CDC42SE1: variants seen among roughly 807,000 people sequenced by gnomAD.
The protein encoded by CDC42SE1 is CDC42 small effector protein 1.
CDC42SE1 carries 10 observed loss-of-function variants against 10.9 expected under a neutral mutation model. The ratio of observed to expected loss-of-function variants is 0.92; its 90% CI spans 0.57 to 1.56. CDC42SE1 has a LOEUF of 1.56. CDC42SE1 is among the 40% of genes most tolerant of loss of function. CDC42SE1 has a pLI of 0.00. For synonymous variants in CDC42SE1, 24 were observed against 32.0 expected (o/e 0.75, Z 0.85); for missense variants, 81 against 100.8 (o/e 0.80, Z 0.84).
rs587630644 is a variant in CDC42SE1 at position 151,052,857 on chromosome 1, C to G, written c.*487G>C. ...GAGTAGGCACCCCCACCAGCCCCTG[C>G]TTGACATCTGCTTTAGTTCATTCCA... On this transcript the variant is annotated 3_prime_UTR_variant, in exon 5 of 5. Transcript: ENST00000357235. 15 of 152,378 alleles carry G rather than the reference C, an allele frequency of 9.8e-5. No homozygotes were observed. Among genetic ancestry groups the G allele is most frequent in the African/African-American group, 3.1e-4 (13 of 41,560 alleles). 9.4% of individuals were successfully genotyped at this position (152,378 alleles called of 1,614,324 possible).
chr1:151,054,986 T>C (rs369206318), intron 3 of CDC42SE1, 30 bp downstream of exon 3: 59 of 1,479,632 alleles, frequency 4.0e-5, no homozygotes, highest in Non-Finnish European at 4.8e-5. Flanking sequence ...ACCTCACCCC[T>C]GTATCAACCT....
chr1:151,054,031 T>A, intron 4 of CDC42SE1, among the ~76,000 whole-genome samples, 200 bp downstream of exon 4: 1 of 147,772 alleles, frequency 6.8e-6, no homozygotes, highest in East Asian at 2.0e-4. Flanking sequence ...GGGTTTTGCC[T>A]CGTTGGCCAG....
At chr1:151,054,138 CCTTT>C (rs766192448) in intron 4 of CDC42SE1, 89 bp downstream of exon 4, 93 of 844,836 alleles carry the variant, frequency 1.1e-4, no homozygotes, top group Middle Eastern at 7.2e-4. Context: ...GCCACACCTC[CCTTT>C]CTTGCATAAG....
rs587717955 is a variant in CDC42SE1, at chr1:151,051,206, C to G, written c.*2138G>C. On this transcript the variant is annotated 3_prime_UTR_variant, in exon 5 of 5. Coordinates refer to ENST00000357235, the MANE Select transcript of CDC42SE1 (RefSeq NM_020239.4). ...ACGGTGACCAGAGATTTCTAGGAGT[C>G]TCTAACCTTTCCACCCTATCCTGTT... is the stretch of plus-strand genomic sequence containing the variant. 1 of 151,742 alleles carries G rather than the reference C, an allele frequency of 6.6e-6. No homozygotes were observed. Among genetic ancestry groups the G allele is most frequent in the South Asian group, 2.1e-4 (1 of 4,806 alleles). The allele number at this position is 151,742 out of a possible 1,614,324, so 9.4% of individuals were successfully genotyped here.
At chr1:151,058,192 G>C (rs1008769768) in intron 1 of CDC42SE1, 10 of 152,888 alleles carry the variant, frequency 6.5e-5, no homozygotes, top group African/African-American at 1.9e-4. Context: ...CTTTTCCAGG[G>C]ACCTGACCAG....
intron 1 of CDC42SE1, among the ~76,000 whole-genome samples, 175 bp from the exon 2 acceptor site, chr1:151,056,168 A>C (rs1052299230): frequency 1.3e-5 from 2 of 152,146 alleles, no homozygotes; most frequent in African/African-American, 4.8e-5. Flanking sequence ...AAAAAAAAGG[A>C]ACAGAACCAA....
In CDC42SE1 at chr1:151,055,658, G is replaced by T; in HGVS notation, c.54+19C>A. On this transcript the variant is annotated intron_variant, in intron 2 of 4. Coordinates refer to ENST00000357235, the MANE Select transcript of CDC42SE1 (RefSeq NM_020239.4). ...AACTGACTGCTCTTTGGGTTAGGAT[G>T]GGGGGTGGGGAGACTCACCGGCTGG... 6.9e-6 allele frequency: 11 copies of T among 1,601,034 alleles called. No individual in the cohort carries two copies. Among genetic ancestry groups the T allele is most frequent in the Admixed American group, 1.7e-5 (1 of 59,864 alleles).
chr1:151,054,099 G>C, intron 4 of CDC42SE1, 132 bp downstream of exon 4: 3 of 679,474 alleles, frequency 4.4e-6, no homozygotes, highest in Non-Finnish European at 7.8e-6. Context: ...CTAAAGTGCT[G>C]GGATTACAGG....
rs587682802 is a variant in CDC42SE1, at chr1:151,051,615, C to A, written c.*1729G>T. On this transcript the variant is annotated 3_prime_UTR_variant, in exon 5 of 5. Coordinates refer to ENST00000357235, the MANE Select transcript of CDC42SE1 (RefSeq NM_020239.4). ...CTGTCTTGTTCTGCCTTCCTAATTACCCTGGAAGGGCCAGAACGAAGAACA... is the reference window on the plus strand; with the variant it reads ...CTGTCTTGTTCTGCCTTCCTAATTAACCTGGAAGGGCCAGAACGAAGAACA... The A allele has an allele frequency of 6.6e-6, 1 of 152,386 alleles. No individual in the cohort carries two copies. Among genetic ancestry groups the A allele is most frequent in the Non-Finnish European group, 1.5e-5 (1 of 68,020 alleles). The allele number at this position is 152,386 out of a possible 1,614,324, so 9.4% of individuals were successfully genotyped here.
At chr1:151,058,403 A>C (rs1676327911) in intron 1 of CDC42SE1, 1 of 152,530 alleles carries the variant, frequency 6.6e-6, no homozygotes, top group South Asian at 2.1e-4. Context: ...CAGAAAAGGA[A>C]GTAAGAGCCA....
chr1:151,056,211 G>A (rs896295513), intron 1 of CDC42SE1, among the ~76,000 whole-genome samples: 4 of 152,154 alleles, frequency 2.6e-5, no homozygotes, highest in Non-Finnish European at 5.9e-5. Flanking sequence ...GCAGTGGCTG[G>A]TGGTACCAAG....
Position 151,055,545 on chromosome 1 carries a change from A to G in CDC42SE1, c.54+132T>C. On this transcript the variant is annotated intron_variant, in intron 2 of 4. Transcript: ENST00000357235. ...GTTCCACATATACAGCTGCCTGACC[A>G]TAGAAGCTCCTGACACAGAGGGAGG... 4 of 756,640 alleles carry G rather than the reference A, an allele frequency of 5.3e-6. No homozygotes were observed. The Admixed American group carries it at 8.1e-5, about 15-fold the overall frequency. The allele number at this position is 756,640 out of a possible 1,614,324, so 46.9% of individuals were successfully genotyped here. A position where few individuals can be genotyped will look rare whatever the true frequency, so the allele number is the denominator to read the frequency against.
chr1:151,059,079 G>C (rs587751544), intron 1 of CDC42SE1: 1 of 152,486 alleles, frequency 6.6e-6, no homozygotes, highest in African/African-American at 2.4e-5. Context: ...GGGGGCTTAA[G>C]AGGAAAGAGG....
intron 3 of CDC42SE1, 48 bp downstream of exon 3, chr1:151,054,968 G>C (rs374855167): frequency 2.3e-6 from 3 of 1,320,102 alleles, no homozygotes; most frequent in Admixed American, 1.7e-5. Context: ...AAGAGGGAAC[G>C]GTTATAGACC....
At chr1:151,055,392 G>A in intron 2 of CDC42SE1, 1 of 596,548 alleles carries the variant, frequency 1.7e-6, no homozygotes, top group South Asian at 2.0e-5. Flanking sequence ...ACCTCTGACT[G>A]ATGATGAAAT....
intron 2 of CDC42SE1, 66 bp from the exon 3 acceptor site, chr1:151,055,192 A>G: frequency 8.3e-7 from 1 of 1,203,964 alleles, no homozygotes; most frequent in Non-Finnish European, 1.2e-6. Context: ...AGGAAGGGAA[A>G]AGAGTCTTCA....
chr1:151,055,607 G>A (rs1676263464), intron 2 of CDC42SE1, 70 bp downstream of exon 2: 5 of 1,259,000 alleles, frequency 4.0e-6, no homozygotes, highest in South Asian at 3.7e-5. Context: ...GATCCTAGAT[G>A]GTGTGGCTAC....
chr1:151,053,486 TTC>T (rs1365951846), intron 4 of CDC42SE1, among the ~76,000 whole-genome samples, 159 bp from the exon 5 acceptor site: 10 of 152,160 alleles, frequency 6.6e-5, no homozygotes. Context: ...ATATCCTACA[TTC>T]TTTTTTTTTT....
rs1571850339 is a variant in CDC42SE1 at position 151,052,094 on chromosome 1, G to A, written c.*1250C>T. On this transcript the variant is annotated 3_prime_UTR_variant, in exon 5 of 5. Coordinates refer to ENST00000357235, the MANE Select transcript of CDC42SE1 (RefSeq NM_020239.4). ...AGCGTGCCAAGCAGAAATCACTTCA[G>A]AGAAAAATATCTTGACTTTAGAGTT... 1 of 152,270 alleles carries A rather than the reference G, an allele frequency of 6.6e-6. No individual in the cohort carries two copies. Among genetic ancestry groups the A allele is most frequent in the African/African-American group, 2.4e-5 (1 of 41,570 alleles). 9.4% of individuals were successfully genotyped at this position (152,270 alleles called of 1,614,324 possible).
Sources: allele counts gnomAD v4.1 joint callset (sites outside exome capture counted in the v4.1 genomes callset), GRCh38; gene constraint gnomAD v4.1.1; transcripts MANE v1.5; gene names NCBI Gene and HGNC (gene_info 2026-07-23, HGNC 2026-07-21).